Variants in PAAF1 observed in about 807,000 individuals in gnomAD.
PAAF1 encodes the protein proteasomal ATPase associated factor 1.
In PAAF1, 46 loss-of-function variants were observed where a neutral mutation model predicts 52.8. That is an observed-to-expected ratio of 0.87 (90% CI 0.69 to 1.11). The LOEUF (loss-of-function observed/expected upper bound fraction) is 1.11, where lower values mean the gene tolerates loss of function less well. PAAF1 is among the 50% of genes most tolerant of loss of function. PAAF1 has a pLI of 0.00. For synonymous variants in PAAF1, 178 were observed against 172.8 expected (o/e 1.03, Z -0.24); for missense variants, 424 against 477.4 (o/e 0.89, Z 1.04).
intron 7 of PAAF1, among the ~76,000 whole-genome samples, chr11:73,913,820 G>GT (rs1010118491): frequency 2.8e-4 from 42 of 152,252 alleles, no homozygotes; most frequent in African/African-American, 9.9e-4. Flanking sequence ...GTCAGAGACT[G>GT]TTTTTTGCAG....
chr11:73,898,075 C>G (rs562405113), intron 4 of PAAF1, among the ~76,000 whole-genome samples: 93 of 152,198 alleles, frequency 6.1e-4, no homozygotes, highest in Middle Eastern at 6.8e-3. Context: ...TGCAGGCACT[C>G]GGCAAGCTGA....
chr11:73,887,898 C>T (rs1380565791), intron 3 of PAAF1, among the ~76,000 whole-genome samples: 10 of 152,038 alleles, frequency 6.6e-5, no homozygotes, highest in Non-Finnish European at 1.3e-4. Context: ...TATGGGCGCC[C>T]GCCACCACAC....
intron 2 of PAAF1, 44 bp from the exon 3 acceptor site, chr11:73,887,310 A>C (rs559749036): frequency 1.0e-5 from 15 of 1,450,714 alleles, no homozygotes; most frequent in South Asian, 3.7e-5. Context: ...AAAAATAATA[A>C]ATTTTTCTTA....
At chr11:73,903,738 T>C (rs776418433) in intron 6 of PAAF1, among the ~76,000 whole-genome samples, 5 of 149,450 alleles carry the variant, frequency 3.3e-5, no homozygotes, top group African/African-American at 4.9e-5. Flanking sequence ...AAATCTCTTA[T>C]GAGATTTTGA....
In PAAF1 at chr11:73,919,031, A is replaced by T; in HGVS notation, c.1017A>T (p.Gln339His). Residue 339 changes from glutamine (Q) to histidine (H), a missense_variant and splice_region_variant, in exon 10 of 12, where the codon CAA becomes CAT. Gln to His is a conservative substitution (Grantham distance 24, BLOSUM62 0). Coordinates refer to ENST00000310571, the MANE Select transcript of PAAF1 (RefSeq NM_025155.3). ...TCAGAGATGGATTCATTGCTAGCCA[A>T]GGTGGGTCCATGGGCCAATTGAGAG... ...LSVRDGFIAS[Q>H]GDGSCFIVQQ... 6.2e-7 allele frequency: 1 copy of T among 1,612,998 alleles called. No individual in the cohort carries two copies. The highest frequency in any genetic ancestry group is 8.5e-7 in the Non-Finnish European group (1 of 1,179,374).
At chr11:73,924,184 G>A (rs1950295835) in intron 10 of PAAF1, among the ~76,000 whole-genome samples, 1 of 152,186 alleles carries the variant, frequency 6.6e-6, no homozygotes, top group African/African-American at 2.4e-5. Context: ...GCCGGGTATG[G>A]TGGCTCACGC....
At chr11:73,885,233 G>A (rs2135133202) in intron 2 of PAAF1, among the ~76,000 whole-genome samples, 1 of 151,984 alleles carries the variant, frequency 6.6e-6, no homozygotes, top group Admixed American at 6.6e-5. Context: ...CTGCTTGCCA[G>A]GTTCAAGGTA....
intron 6 of PAAF1, 87 bp from the exon 7 acceptor site, chr11:73,909,312 T>C: frequency 1.7e-6 from 2 of 1,204,854 alleles, no homozygotes; most frequent in Non-Finnish European, 2.4e-6. Flanking sequence ...TGTGAAGGGA[T>C]GGAGTCATTT....
chr11:73,890,649 G>A (rs979728668), intron 3 of PAAF1, among the ~76,000 whole-genome samples: 2 of 152,178 alleles, frequency 1.3e-5, no homozygotes, highest in African/African-American at 4.8e-5. Context: ...AAAAGTTCTT[G>A]TAGACAGCAA....
intron 6 of PAAF1, 118 bp from the exon 7 acceptor site, chr11:73,909,280 TG>T: frequency 1.3e-6 from 1 of 793,606 alleles, no homozygotes; most frequent in Non-Finnish European, 2.0e-6. Context: ...GGCCAGCATG[TG>T]GTACCTGTTC....
At chr11:73,903,364 C>T (rs12284235) in intron 6 of PAAF1, among the ~76,000 whole-genome samples, 33,232 of 152,126 alleles carry the variant, frequency 0.22, 3,982 homozygotes, top group African/African-American at 0.33. Context: ...TATAGATTGA[C>T]CGATCATCAC....
At chr11:73,919,232 CTGTGCCTTATTCAT>C (rs1242684866) in intron 10 of PAAF1, among the ~76,000 whole-genome samples, 200 bp downstream of exon 10, 1 of 152,208 alleles carries the variant, frequency 6.6e-6, no homozygotes, top group Non-Finnish European at 1.5e-5. Flanking sequence ...AGGGTGGTGA[CTGTGCCTTATTCAT>C]TGTGTTATTC....
intron 6 of PAAF1, among the ~76,000 whole-genome samples, chr11:73,902,982 GC>G (rs1304801939): frequency 6.6e-6 from 1 of 152,254 alleles, no homozygotes; most frequent in Non-Finnish European, 1.5e-5. Flanking sequence ...ACAGGCGTGA[GC>G]CACTGCGCCC....
intron 9 of PAAF1, among the ~76,000 whole-genome samples, chr11:73,917,679 C>T (rs1469356456): frequency 2.0e-5 from 3 of 152,158 alleles, no homozygotes; most frequent in Non-Finnish European, 2.9e-5. Flanking sequence ...CAAGACCAGC[C>T]TGGCCAACAT....
In PAAF1 at chr11:73,918,937, C is replaced by G. The variant is rs1164136534; in HGVS notation, c.936-13C>G. On this transcript the variant is annotated splice_polypyrimidine_tract_variant and intron_variant, in intron 9 of 11. Transcript: ENST00000310571. Reference sequence around the variant, plus strand: ...AGAAAGAAAGTAAAATTTCCCCTTTCTCTGAATCCTAGGGCTCCGGTACAA... The same window carrying G: ...AGAAAGAAAGTAAAATTTCCCCTTTGTCTGAATCCTAGGGCTCCGGTACAA... 1 of 1,610,138 alleles carries G rather than the reference C, an allele frequency of 6.2e-7. No individual in the cohort carries two copies. The highest frequency in any genetic ancestry group is 8.5e-7 in the Non-Finnish European group (1 of 1,177,532).
At chr11:73,913,049 G>A (rs746103116) in intron 7 of PAAF1, among the ~76,000 whole-genome samples, 1 of 152,100 alleles carries the variant, frequency 6.6e-6, no homozygotes, top group Non-Finnish European at 1.5e-5. Context: ...GCTATTTTTT[G>A]TATTTTTAGT....
At chr11:73,881,594 A>G (rs1948909850) in intron 2 of PAAF1, among the ~76,000 whole-genome samples, 1 of 151,924 alleles carries the variant, frequency 6.6e-6, no homozygotes, top group Non-Finnish European at 1.5e-5. Flanking sequence ...GGCCTAAAAC[A>G]GTTTTAAAAA....
intron 3 of PAAF1, chr11:73,888,976 T>C: frequency 2.0e-6 from 1 of 499,382 alleles, no homozygotes. Context: ...GATTGGCATT[T>C]TAAATTTCCA....
intron 6 of PAAF1, among the ~76,000 whole-genome samples, chr11:73,902,655 G>C (rs1157896657): frequency 6.6e-6 from 1 of 151,956 alleles, no homozygotes; most frequent in Non-Finnish European, 1.5e-5. Flanking sequence ...GAATATGTAT[G>C]GACCTTTAGC....
Sources: gnomAD v4.1 joint callset for allele counts (sites outside exome capture counted in the v4.1 genomes callset) on GRCh38, gnomAD v4.1.1 for gene constraint, MANE v1.5 for transcripts, NCBI Gene and HGNC (gene_info 2026-07-23, HGNC 2026-07-21) for gene names.